The following LHFPL3 variants were observed in gnomAD, a reference collection of about 807,000 sequenced individuals.
LHFPL3 encodes LHFPL tetraspan subfamily member 3 protein.
LHFPL3 carries 5 observed loss-of-function variants against 19.3 expected under a neutral mutation model. The ratio of observed to expected loss-of-function variants is 0.26; its 90% CI spans 0.14 to 0.54. The LOEUF (loss-of-function observed/expected upper bound fraction) is 0.54. LHFPL3 is among the 20% of genes least tolerant of loss of function. The probability of loss-of-function intolerance (pLI) is 0.94; values close to 1 mark genes in which losing one functional copy is unlikely to be tolerated. For synonymous variants in LHFPL3, 133 were observed against 126.2 expected (o/e 1.05, Z -0.36); for missense variants, 249 against 307.4 (o/e 0.81, Z 1.42).
intron 1 of LHFPL3, among the ~76,000 whole-genome samples, chr7:104,397,673 G>A (rs889640016): frequency 6.6e-6 from 1 of 152,110 alleles, no homozygotes; most frequent in Admixed American, 6.6e-5. Context: ...CCAGCAGCCC[G>A]CTTCTTCAGC....
Position 104,569,437 on chromosome 7 carries a change from C to T in LHFPL3, c.446-167238C>T, listed in dbSNP as rs991022274. On this transcript the variant is annotated intron_variant, in intron 1 of 2. Coordinates refer to ENST00000424859, the MANE Select transcript of LHFPL3 (RefSeq NM_199000.3). The stretch of plus-strand genomic sequence containing the variant: ...GGCAAATGTAGAAAGAACTGCACAC[C>T]GTTGTATACACCTTGTCATTCAGTG... Among the ~76,000 whole-genome samples the T allele has an allele frequency of 7.9e-5, 12 of 152,160 alleles. No individual in the cohort carries two copies. In the South Asian group the frequency reaches 1.0e-3, roughly 13 times the overall value.
chr7:104,650,758 C>T (rs1427117294), intron 1 of LHFPL3, among the ~76,000 whole-genome samples: 4 of 152,118 alleles, frequency 2.6e-5, no homozygotes, highest in Non-Finnish European at 5.9e-5. Flanking sequence ...AGAATGCTGT[C>T]CTAGGCACTG....
rs567307422 is a variant in LHFPL3, at chr7:104,402,641, G to A, written c.445+73417G>A. 9.8e-5 allele frequency among the ~76,000 whole-genome samples: 15 copies of A among 152,306 alleles called. No homozygotes were observed. The South Asian group carries it at 3.1e-3, about 32-fold the overall frequency. On this transcript the variant is annotated intron_variant, in intron 1 of 2. Coordinates refer to ENST00000424859, the MANE Select transcript of LHFPL3 (RefSeq NM_199000.3). The stretch of plus-strand genomic sequence containing the variant: ...GCCCTAACCACAGACTGAGGGAGAG[G>A]TGGGGTGACCCAAGAGCCACCCCCA...
intron 1 of LHFPL3, among the ~76,000 whole-genome samples, chr7:104,728,247 G>C (rs1424592755): frequency 2.0e-5 from 3 of 152,138 alleles, no homozygotes; most frequent in African/African-American, 7.2e-5. Context: ...AAGGAAGAAA[G>C]TAGGTGCCCA....
intron 1 of LHFPL3, among the ~76,000 whole-genome samples, chr7:104,697,590 T>C (rs1021375413): frequency 2.6e-5 from 4 of 152,222 alleles, no homozygotes; most frequent in African/African-American, 9.6e-5. Flanking sequence ...AGAATATAAG[T>C]ATAATAATTC....
intron 2 of LHFPL3, among the ~76,000 whole-genome samples, chr7:104,861,192 AG>A (rs1422242100): frequency 6.6e-6 from 1 of 152,192 alleles, no homozygotes; most frequent in African/African-American, 2.4e-5. Flanking sequence ...AGGAGAAGAA[AG>A]GGAGTGATTA....
chr7:104,616,075 T>C (rs545022135), intron 1 of LHFPL3, among the ~76,000 whole-genome samples: 55 of 152,306 alleles, frequency 3.6e-4, no homozygotes, highest in African/African-American at 1.3e-3. Context: ...AAGTAATTTA[T>C]AGATTCAATG....
chr7:104,687,682 CAAAG>C (rs954497440), intron 1 of LHFPL3, among the ~76,000 whole-genome samples: 5 of 152,062 alleles, frequency 3.3e-5, no homozygotes, highest in African/African-American at 1.2e-4. Context: ...AGTTTGGACA[CAAAG>C]AAAATATAAC....
chr7:104,507,795 G>A (rs1221342569), intron 1 of LHFPL3, among the ~76,000 whole-genome samples: 3 of 128,552 alleles, frequency 2.3e-5, no homozygotes, highest in African/African-American at 2.9e-5. Context: ...AAAAGTGGGT[G>A]AAGGACATGA....
intron 1 of LHFPL3, among the ~76,000 whole-genome samples, chr7:104,378,943 C>T (rs1490840927): frequency 1.3e-5 from 2 of 152,096 alleles, no homozygotes; most frequent in Non-Finnish European, 2.9e-5. Flanking sequence ...TAAATAGAGT[C>T]TTTCAAAGAG....
chr7:104,876,116 T>C (rs577961744), intron 2 of LHFPL3, among the ~76,000 whole-genome samples: 3 of 152,300 alleles, frequency 2.0e-5, no homozygotes, highest in Admixed American at 6.5e-5. Context: ...TTGCACCTTA[T>C]ACAAAAATTA....
intron 1 of LHFPL3, among the ~76,000 whole-genome samples, chr7:104,631,892 A>C (rs935141195): frequency 6.6e-6 from 1 of 152,230 alleles, no homozygotes; most frequent in Non-Finnish European, 1.5e-5. Context: ...CCTTGAGGGC[A>C]GGGAAGAAAC....
At chr7:104,481,271 C>G (rs2115657496) in intron 1 of LHFPL3, among the ~76,000 whole-genome samples, 1 of 152,320 alleles carries the variant, frequency 6.6e-6, no homozygotes, top group Non-Finnish European at 1.5e-5. Context: ...GAAAACCCAT[C>G]TACCACATTG....
chr7:104,516,220 G>A (rs1003737127), intron 1 of LHFPL3, among the ~76,000 whole-genome samples: 1 of 152,096 alleles, frequency 6.6e-6, no homozygotes, highest in Non-Finnish European at 1.5e-5. Context: ...GCGAAGCGGG[G>A]TGGGGAAAGT....
chr7:104,859,600 C>T (rs769273258), intron 2 of LHFPL3, among the ~76,000 whole-genome samples: 1 of 151,666 alleles, frequency 6.6e-6, no homozygotes, highest in Non-Finnish European at 1.5e-5. Context: ...ACCCGGAAGG[C>T]GGAGGTTTCG....
intron 2 of LHFPL3, among the ~76,000 whole-genome samples, chr7:104,747,414 AACAAT>A: frequency 6.6e-6 from 1 of 152,216 alleles, no homozygotes; most frequent in Admixed American, 6.5e-5. Context: ...AGGCAGAAGA[AACAAT>A]AAAGACAAGA....
chr7:104,897,048 T>C (rs1792377626), intron 2 of LHFPL3, among the ~76,000 whole-genome samples: 1 of 150,614 alleles, frequency 6.6e-6, no homozygotes, highest in African/African-American at 2.4e-5. Flanking sequence ...ATTGCACCAC[T>C]GCACTCCAGC....
chr7:104,344,960 G>GA (rs974722512), intron 1 of LHFPL3, among the ~76,000 whole-genome samples: 1 of 151,936 alleles, frequency 6.6e-6, no homozygotes, highest in Non-Finnish European at 1.5e-5. Context: ...TTGTCTTTGA[G>GA]AAAAAAATTT....
At chr7:104,376,431 A>G (rs943603696) in intron 1 of LHFPL3, among the ~76,000 whole-genome samples, 1 of 152,238 alleles carries the variant, frequency 6.6e-6, no homozygotes, top group African/African-American at 2.4e-5. Context: ...AGAGACCACA[A>G]GAAAGGAGAT....
Sources: allele counts gnomAD v4.1 joint callset (sites outside exome capture counted in the v4.1 genomes callset), GRCh38; gene constraint gnomAD v4.1.1; transcripts MANE v1.5; gene names NCBI Gene and HGNC (gene_info 2026-07-23, HGNC 2026-07-21).